Variants in WWOX observed in about 807,000 individuals in gnomAD.
WWOX encodes WW domain containing oxidoreductase, also known as WW domain-containing oxidoreductase.
Under a neutral mutation model 46.2 loss-of-function variants are expected in WWOX, and 69 were observed. That is an observed-to-expected ratio of 1.49 (90% CI 1.23 to 1.82). The LOEUF is 1.82. Ranked by LOEUF, WWOX falls within the 40% of genes most tolerant of loss-of-function variation. The probability of loss-of-function intolerance (pLI) is 0.00; values close to 1 mark genes in which losing one functional copy is unlikely to be tolerated. For synonymous variants in WWOX, 359 were observed against 202.6 expected, an observed-to-expected ratio of 1.77 and a Z score of -6.56; for missense variants, 919 against 542.6, an observed-to-expected ratio of 1.69 and a Z score of -6.89.
At chr16:78,939,959 A>G (rs370937275) in intron 8 of WWOX, among the ~76,000 whole-genome samples, 14 of 152,248 alleles carry the variant, frequency 9.2e-5, no homozygotes, top group Admixed American at 6.5e-4. Context: ...TAGAATATTC[A>G]TGGTTAGACC....
chr16:78,836,987 T>C (rs1597698085), intron 8 of WWOX, among the ~76,000 whole-genome samples: 1 of 151,774 alleles, frequency 6.6e-6, no homozygotes. Context: ...AGAGTGGAGG[T>C]TGTTCTCTAG....
At chr16:78,431,919 T>C (rs1010230228) in intron 7 of WWOX, among the ~76,000 whole-genome samples, 1 of 152,110 alleles carries the variant, frequency 6.6e-6, no homozygotes, top group African/African-American at 2.4e-5. Context: ...TCTCCCTATG[T>C]TGCCTAAGCT....
chr16:78,674,079 A>G (rs1294471343), intron 8 of WWOX, among the ~76,000 whole-genome samples: 1 of 152,142 alleles, frequency 6.6e-6, no homozygotes, highest in African/African-American at 2.4e-5. Flanking sequence ...AAATTTCGCA[A>G]ACTTCATGGA....
At chr16:79,184,162 A>G (rs1229953576) in intron 8 of WWOX, among the ~76,000 whole-genome samples, 1 of 152,172 alleles carries the variant, frequency 6.6e-6, no homozygotes, top group Non-Finnish European at 1.5e-5. Context: ...CCCTCCCCCA[A>G]ATGCTCAGAA....
intron 5 of WWOX, among the ~76,000 whole-genome samples, chr16:78,290,659 G>A (rs1337416348): frequency 2.6e-5 from 4 of 151,814 alleles, no homozygotes; most frequent in South Asian, 2.1e-4. Flanking sequence ...AGTCCATTCC[G>A]TTAAATGGAG....
intron 8 of WWOX, among the ~76,000 whole-genome samples, chr16:78,662,379 T>G (rs1317104639): frequency 1.3e-5 from 2 of 152,158 alleles, no homozygotes; most frequent in African/African-American, 4.8e-5. Context: ...ATCTAGTTTT[T>G]TTCTCTTTCG....
rs79885096 is a variant in WWOX at position 79,129,016 on chromosome 16, A to C, written c.1057-82592A>C. Reference sequence around the variant, plus strand: ...AAATGTTGTTTTCCATTTGCTGGTAAACAACAGTCCAAGTTCATTGTCCTG... The same window carrying C: ...AAATGTTGTTTTCCATTTGCTGGTACACAACAGTCCAAGTTCATTGTCCTG... On this transcript the variant is annotated intron_variant, in intron 8 of 8. Transcript: ENST00000566780. Among the ~76,000 whole-genome samples, 927 of 152,286 alleles carry C rather than the reference A, an allele frequency of 6.1e-3. 9 individuals carry two copies. The highest frequency in any genetic ancestry group is 8.0e-3 in the Non-Finnish European group (544 of 68,020).
intron 4 of WWOX, among the ~76,000 whole-genome samples, chr16:78,118,022 G>GTTCT (rs376247260): frequency 3.3e-4 from 50 of 150,192 alleles, no homozygotes; most frequent in South Asian, 8.5e-4. Flanking sequence ...ATTTCCAGTG[G>GTTCT]TTCTTTCTTT....
chr16:79,013,313 C>T (rs534550617), intron 8 of WWOX, among the ~76,000 whole-genome samples: 4 of 152,176 alleles, frequency 2.6e-5, no homozygotes, highest in Admixed American at 1.3e-4. Flanking sequence ...GATCTGCCAG[C>T]AGGCTGTGCT....
At chr16:78,916,241 G>T (rs1445238172) in intron 8 of WWOX, among the ~76,000 whole-genome samples, 5 of 152,182 alleles carry the variant, frequency 3.3e-5, no homozygotes, top group African/African-American at 1.2e-4. Context: ...AAGTTTGCCG[G>T]CCAGGAAGTT....
At chr16:79,184,149 A>G (rs1336276280) in intron 8 of WWOX, among the ~76,000 whole-genome samples, 3 of 152,222 alleles carry the variant, frequency 2.0e-5, no homozygotes, top group African/African-American at 7.2e-5. Flanking sequence ...ATTGTAAATT[A>G]AACCCTCCCC....
intron 8 of WWOX, among the ~76,000 whole-genome samples, chr16:78,707,846 TAA>T (rs2048356187): frequency 2.1e-5 from 2 of 95,390 alleles, no homozygotes; most frequent in Admixed American, 8.9e-5. Context: ...AAAATATAAA[TAA>T]ATAAATAAAT....
chr16:78,300,977 T>C (rs1255951484), intron 5 of WWOX, among the ~76,000 whole-genome samples: 1 of 151,578 alleles, frequency 6.6e-6, no homozygotes, highest in Non-Finnish European at 1.5e-5. Context: ...TCCATACATT[T>C]ATCCATCCAT....
intron 8 of WWOX, among the ~76,000 whole-genome samples, chr16:78,975,434 C>T (rs1386819122): frequency 1.3e-5 from 2 of 151,838 alleles, no homozygotes; most frequent in South Asian, 4.2e-4. Flanking sequence ...AGGTAAGAAA[C>T]CTTGGCCTAG....
intron 5 of WWOX, among the ~76,000 whole-genome samples, chr16:78,195,586 C>G (rs905593821): frequency 1.3e-5 from 2 of 151,860 alleles, no homozygotes; most frequent in African/African-American, 4.8e-5. Context: ...CTTTGGGAGG[C>G]TAAGGTGGGC....
chr16:78,549,020 CTT>C (rs1278053586), intron 8 of WWOX, among the ~76,000 whole-genome samples: 1 of 152,148 alleles, frequency 6.6e-6, no homozygotes, highest in African/African-American at 2.4e-5. Flanking sequence ...AAACATCATA[CTT>C]TTATCGGTGC....
At chr16:79,050,707 C>T (rs556381262) in intron 8 of WWOX, among the ~76,000 whole-genome samples, 28 of 152,030 alleles carry the variant, frequency 1.8e-4, no homozygotes, top group African/African-American at 6.5e-4. Context: ...ATCAATCTGG[C>T]GAAATGAATG....
chr16:79,179,446 T>C lies in WWOX; in HGVS notation c.1057-32162T>C, dbSNP rs953340304. On this transcript the variant is annotated intron_variant, in intron 8 of 8. Transcript: ENST00000566780. ...TAATGGAATCCTAACTAATGCAGTA[T>C]GTGACGCCTGGCAGCTCCAGTCCGA... 2.0e-5 allele frequency among the ~76,000 whole-genome samples: 3 copies of C among 152,208 alleles called. No individual in the cohort carries two copies. The East Asian group carries it at 5.8e-4, about 29-fold the overall frequency.
chr16:78,982,304 G>C (rs1322275027), intron 8 of WWOX, among the ~76,000 whole-genome samples: 1 of 152,274 alleles, frequency 6.6e-6, no homozygotes, highest in Admixed American at 6.5e-5. Context: ...GCGTGATTTT[G>C]AGCAATCATC....
Sources: allele counts gnomAD v4.1 joint callset (sites outside exome capture counted in the v4.1 genomes callset), GRCh38; gene constraint gnomAD v4.1.1; transcripts MANE v1.5; gene names NCBI Gene and HGNC (gene_info 2026-07-23, HGNC 2026-07-21).